DMXL2: variants seen among roughly 807,000 people sequenced by gnomAD.
DMXL2 encodes Dmx like 2, also known as dmX-like protein 2.
In DMXL2, 103 loss-of-function variants were observed where a neutral mutation model predicts 331.1. The observed-to-expected ratio is 0.31, with a 90% CI of 0.27 to 0.37. DMXL2 has a LOEUF of 0.37. Among genes scored for constraint, DMXL2 ranks in the 10% least tolerant of loss-of-function variants. The pLI is 1.00. For missense variants in DMXL2, 3,171 were observed against 3,642.9 expected (o/e 0.87, Z 3.33); for synonymous variants, 1,281 against 1,252.1 (o/e 1.02, Z -0.49).
intron 1 of DMXL2, among the ~76,000 whole-genome samples, chr15:51,594,153 A>C (rs2052609300): frequency 6.6e-6 from 1 of 152,220 alleles, no homozygotes; most frequent in Non-Finnish European, 1.5e-5. Flanking sequence ...AGATCAACAA[A>C]ATTGATAGAC....
chr15:51,453,609 G>C lies in DMXL2; in HGVS notation c.8637C>G (p.Asp2879Glu). ...GACTTGAAGAGGTAATAAATGCAAA[G>C]TCACTTGTGGCTTTACTGTGGCACT... ...SWQCHSKATS[D>E]FAFITSSSLV... Residue 2879 changes from aspartate (D) to glutamate (E), a missense_variant, in exon 41 of 44, where the codon GAC becomes GAG. Around this residue, in one of 7 missense-constraint regions of DMXL2, gnomAD observed 766 missense variants for 940.5 expected, o/e 0.81. Transcript: ENST00000560891. 1 of 1,613,774 alleles carries C rather than the reference G, an allele frequency of 6.2e-7. No individual in the cohort carries two copies. Among genetic ancestry groups the C allele is most frequent in the Non-Finnish European group, 8.5e-7 (1 of 1,179,886 alleles).
intron 6 of DMXL2, among the ~76,000 whole-genome samples, chr15:51,560,504 CAAAAAAA>C (rs66990182): frequency 7.2e-5 from 3 of 41,548 alleles, no homozygotes; most frequent in Admixed American, 3.1e-4. Flanking sequence ...TTATTTCTAC[CAAAAAAA>C]AAAAAAAAAA....
At chr15:51,478,160 G>T in intron 26 of DMXL2, 111 bp downstream of exon 26, 1 of 710,632 alleles carries the variant, frequency 1.4e-6, no homozygotes, top group Non-Finnish European at 2.3e-6. Context: ...AAATATCATG[G>T]CTGTCATATT....
In DMXL2 at chr15:51,506,450, C is replaced by CTT. The variant is rs531570148; in HGVS notation, c.2764+682_2764+683dup. The stretch of plus-strand genomic sequence containing the variant: ...CATATTTCATCAAACAGCAATTCTG[C>CTT]TTTTTTTTTTTTTTTTTTTTTGAGA... On this transcript the variant is annotated intron_variant, in intron 16 of 43. Coordinates refer to ENST00000560891, the MANE Select transcript of DMXL2 (RefSeq NM_001378457.1). Among the ~76,000 whole-genome samples the CTT allele has an allele frequency of 1.1e-3, 138 of 121,948 alleles. 1 individual carries two copies. Among genetic ancestry groups the CTT allele is most frequent in the African/African-American group, 1.6e-3 (50 of 31,946 alleles). 80.0% of individuals were successfully genotyped at this position (121,948 alleles called of 152,430 possible).
intron 13 of DMXL2, among the ~76,000 whole-genome samples, chr15:51,522,149 G>T (rs1446691940): frequency 6.6e-6 from 1 of 151,872 alleles, no homozygotes; most frequent in Non-Finnish European, 1.5e-5. Context: ...ACTTTAAATG[G>T]AATAAAAAAA....
At chr15:51,547,625 T>C (rs943114767) in intron 6 of DMXL2, among the ~76,000 whole-genome samples, 4 of 152,164 alleles carry the variant, frequency 2.6e-5, no homozygotes, top group Admixed American at 6.6e-5. Flanking sequence ...CTGTGTGATA[T>C]TGTTTTTCAA....
chr15:51,460,171 C>T, intron 33 of DMXL2: 1 of 986,470 alleles, frequency 1.0e-6, no homozygotes, highest in African/African-American at 1.7e-5. Flanking sequence ...AGAAATAACT[C>T]AGTAATTTGC....
intron 16 of DMXL2, 140 bp downstream of exon 16, chr15:51,506,993 TA>T (rs932246689): frequency 3.1e-6 from 2 of 652,916 alleles, no homozygotes; most frequent in African/African-American, 3.8e-5. Context: ...ACCTTGTAAT[TA>T]AAAGTTTAGA....
intron 13 of DMXL2, among the ~76,000 whole-genome samples, chr15:51,529,512 G>C (rs573840161): frequency 2.0e-5 from 3 of 152,150 alleles, no homozygotes; most frequent in Admixed American, 6.5e-5. Flanking sequence ...ACAAGAAATG[G>C]ACAAATTCTT....
chr15:51,606,054 T>C (rs2053566874), intron 1 of DMXL2, among the ~76,000 whole-genome samples: 1 of 152,178 alleles, frequency 6.6e-6, no homozygotes, highest in African/African-American at 2.4e-5. Context: ...CTCTTGGATC[T>C]AGAGGAACAA....
Position 51,537,593 on chromosome 15 carries a change from C to A in DMXL2, c.1512G>T (p.Lys504Asn). The A allele has an allele frequency of 6.2e-7, 1 of 1,613,844 alleles. No individual in the cohort carries two copies. Among genetic ancestry groups the A allele is most frequent in the Non-Finnish European group, 8.5e-7 (1 of 1,179,858 alleles). The part of the protein sequence containing the change: ...KIETLLTEWN[K>N]NPDMLFTIHP... ...GTATTGTAAAAAGCATATCAGGATTCTTATTCCATTCAGTTAGCAGCGTTT... is the reference window on the plus strand; with the variant it reads ...GTATTGTAAAAAGCATATCAGGATTATTATTCCATTCAGTTAGCAGCGTTT... The change falls in exon 11 of 44, where the codon AAG becomes AAT. Residue 504 changes from lysine to asparagine, a missense_variant. Physicochemically the swap from Lys to Asn is moderately conservative, Grantham distance 94. Around this residue, in one of 7 missense-constraint regions of DMXL2, gnomAD observed 1,674 missense variants for 1,780.2 expected, o/e 0.94. Coordinates refer to ENST00000560891, the MANE Select transcript of DMXL2 (RefSeq NM_001378457.1).
chr15:51,541,177 G>A (rs2048574214), intron 9 of DMXL2, among the ~76,000 whole-genome samples: 1 of 152,026 alleles, frequency 6.6e-6, no homozygotes, highest in African/African-American at 2.4e-5. Context: ...GATAATATAA[G>A]CAAAACAACA....
chr15:51,566,259 G>A (rs2050281029), intron 3 of DMXL2, among the ~76,000 whole-genome samples: 1 of 119,744 alleles, frequency 8.4e-6, no homozygotes, highest in South Asian at 2.5e-4. Flanking sequence ...GTGTGTGTGT[G>A]TGTGTGTGTG....
At chr15:51,577,495 T>C (rs1379650897) in intron 1 of DMXL2, among the ~76,000 whole-genome samples, 1 of 151,964 alleles carries the variant, frequency 6.6e-6, no homozygotes. Context: ...GCAAGAAAAA[T>C]ATGGAGAAAA....
intron 9 of DMXL2, among the ~76,000 whole-genome samples, chr15:51,542,054 T>C (rs930707366): frequency 6.6e-6 from 1 of 152,212 alleles, no homozygotes; most frequent in Non-Finnish European, 1.5e-5. Context: ...CCACTTGTGA[T>C]ACCAGGTTCA....
chr15:51,449,070 A>G lies in DMXL2; in HGVS notation c.9091T>C (p.Phe3031Leu), dbSNP rs1156996126. The G allele has an allele frequency of 6.2e-7, 1 of 1,614,248 alleles. No homozygotes were observed. Among genetic ancestry groups the G allele is most frequent in the South Asian group, 1.1e-5 (1 of 91,088 alleles). The change falls in exon 44 of 44, where the codon TTC becomes CTC. Residue 3031 changes from phenylalanine to leucine, a missense_variant. Phe to Leu is a conservative substitution (Grantham distance 22, BLOSUM62 0). Around this residue, in one of 7 missense-constraint regions of DMXL2, gnomAD observed 766 missense variants for 940.5 expected, o/e 0.81. Transcript: ENST00000560891. ...AGCGTGCCATCTGCACCACAGGAGA[A>G]GAGCCGATTGCCCTGGATGATGTCA... The part of the protein sequence containing the change: ...QIDIIQGNRL[F>L]SCGADGTLKT...
Position 51,499,985 on chromosome 15 carries a change from C to T in DMXL2, c.3239G>A (p.Gly1080Asp). 1 of 1,614,060 alleles carries T rather than the reference C, an allele frequency of 6.2e-7. No homozygotes were observed. The highest frequency in any genetic ancestry group is 8.5e-7 in the Non-Finnish European group (1 of 1,179,966). ...RPVAVSCSYT[G>D]RLAVAYKQPI... is the part of the protein sequence containing the mutation. ...CTGCTTATAAGCCACTGCAAGGCGACCTGTGTATGAACAGCTAACAGCAAC... is the reference window on the plus strand; with the variant it reads ...CTGCTTATAAGCCACTGCAAGGCGATCTGTGTATGAACAGCTAACAGCAAC... The change falls in exon 18 of 44, where the codon GGT becomes GAT. Residue 1080 changes from glycine to aspartate, a missense_variant. Coordinates refer to ENST00000560891, the MANE Select transcript of DMXL2 (RefSeq NM_001378457.1).
chr15:51,514,336 CA>C, intron 15 of DMXL2, 105 bp downstream of exon 15: 1 of 673,074 alleles, frequency 1.5e-6, no homozygotes, highest in Admixed American at 3.0e-5. Context: ...GTGAATCTGT[CA>C]AAAATTATGA....
intron 18 of DMXL2, among the ~76,000 whole-genome samples, chr15:51,497,788 G>C (rs2043286256): frequency 1.3e-5 from 2 of 152,172 alleles, no homozygotes; most frequent in South Asian, 2.1e-4. Context: ...AGAAAATTAG[G>C]TAATTGTAAA....
Sources: allele counts gnomAD v4.1 joint callset (sites outside exome capture counted in the v4.1 genomes callset), GRCh38; gene constraint gnomAD v4.1.1; regional missense constraint gnomAD v4.1.1; transcripts MANE v1.5; gene names NCBI Gene and HGNC (gene_info 2026-07-23, HGNC 2026-07-21).